The following AGBL1 variants were observed in gnomAD, a reference collection of about 807,000 sequenced individuals.
AGBL1 encodes cytosolic carboxypeptidase 4.
AGBL1 carries 130 observed loss-of-function variants against 118.9 expected under a neutral mutation model. That is an observed-to-expected ratio of 1.09 (90% CI 0.95 to 1.26). AGBL1 has a LOEUF of 1.26. Among genes scored for constraint, AGBL1 ranks in the 50% most tolerant of loss-of-function variants. The pLI is 0.00. For synonymous variants in AGBL1, 555 were observed against 478.9 expected, an observed-to-expected ratio of 1.16 and a Z score of -2.08; for missense variants, 1,584 against 1,298.1, an observed-to-expected ratio of 1.22 and a Z score of -3.38.
intron 21 of AGBL1, among the ~76,000 whole-genome samples, chr15:86,583,066 T>A (rs545379726): frequency 5.3e-5 from 8 of 151,644 alleles, no homozygotes; most frequent in South Asian, 2.1e-4. Context: ...AAAAACACCA[T>A]GGTATTATTA....
intron 23 of AGBL1, among the ~76,000 whole-genome samples, chr15:86,930,901 T>C (rs968869072): frequency 6.6e-6 from 1 of 152,204 alleles, no homozygotes; most frequent in Non-Finnish European, 1.5e-5. Flanking sequence ...AGTTGCGAGA[T>C]GTCTGATTCC....
At chr15:86,352,336 G>C (rs1311548449) in intron 17 of AGBL1, among the ~76,000 whole-genome samples, 1 of 152,154 alleles carries the variant, frequency 6.6e-6, no homozygotes, top group African/African-American at 2.4e-5. Context: ...TTGACCTCTT[G>C]GAATCATGGT....
intron 24 of AGBL1, among the ~76,000 whole-genome samples, chr15:87,013,533 G>GT (rs59336861): frequency 0.037 from 5,595 of 149,994 alleles, 113 homozygotes; most frequent in Middle Eastern, 0.062. Flanking sequence ...TTTTTGAATA[G>GT]TTTTTTTTTT....
At chr15:86,155,641 C>T (rs745899047) in intron 4 of AGBL1, among the ~76,000 whole-genome samples, 3 of 152,086 alleles carry the variant, frequency 2.0e-5, no homozygotes, top group Non-Finnish European at 4.4e-5. Context: ...GAGTTCCCTT[C>T]CTATGAAATG....
At chr15:86,271,443 G>C (rs2079160395) in intron 14 of AGBL1, among the ~76,000 whole-genome samples, 176 bp from the exon 15 acceptor site, 1 of 152,104 alleles carries the variant, frequency 6.6e-6, no homozygotes, top group Non-Finnish European at 1.5e-5. Flanking sequence ...GGCTCACCAG[G>C]ATAATCACCC....
At chr15:86,722,834 G>A (rs2086749041) in intron 22 of AGBL1, among the ~76,000 whole-genome samples, 1 of 152,064 alleles carries the variant, frequency 6.6e-6, no homozygotes, top group Admixed American at 6.5e-5. Flanking sequence ...CCATCAACAA[G>A]TGGGTGAAGG....
intron 22 of AGBL1, among the ~76,000 whole-genome samples, chr15:86,705,562 T>C (rs1596387659): frequency 6.6e-6 from 1 of 152,308 alleles, no homozygotes; most frequent in South Asian, 2.1e-4. Context: ...GCATTGGAGT[T>C]AAATGAGCCA....
Position 86,230,875 on chromosome 15 carries a change from A to G in AGBL1, c.526+5924A>G, listed in dbSNP as rs555020351. ...AGTCACGTCTGCCCGGCTCCCATCA[A>G]TTAGCCCCAAGGCGGCCTCTGAGAC... On this transcript the variant is annotated intron_variant, in intron 6 of 22. Coordinates refer to ENST00000614907, the MANE Select transcript of AGBL1 (RefSeq NM_001386094.1). Among the ~76,000 whole-genome samples the G allele has an allele frequency of 1.6e-4, 24 of 152,288 alleles. No individual in the cohort carries two copies. In the East Asian group the frequency reaches 2.1e-3, roughly 13 times the overall value.
intron 19 of AGBL1, among the ~76,000 whole-genome samples, chr15:86,523,966 C>A (rs989833407): frequency 1.3e-5 from 2 of 152,178 alleles, no homozygotes; most frequent in Admixed American, 1.3e-4. Flanking sequence ...ACCTAACAAA[C>A]TTAAAATAGA....
chr15:87,027,667 T>A (rs1158039255), intron 24 of AGBL1, among the ~76,000 whole-genome samples: 1 of 151,706 alleles, frequency 6.6e-6, no homozygotes, highest in Non-Finnish European at 1.5e-5. Flanking sequence ...AGAAAGAAAA[T>A]GTGGTACATA....
intron 13 of AGBL1, among the ~76,000 whole-genome samples, chr15:86,267,581 G>C (rs1258825816): frequency 6.6e-6 from 1 of 152,154 alleles, no homozygotes; most frequent in Non-Finnish European, 1.5e-5. Context: ...TTCAAGGGAA[G>C]ATGCAGTACC....
At chr15:86,895,062 A>ATCT (rs1312423405) in intron 22 of AGBL1, among the ~76,000 whole-genome samples, 1 of 150,096 alleles carries the variant, frequency 6.7e-6, no homozygotes, top group Non-Finnish European at 1.5e-5. Flanking sequence ...TCTTTCTTTT[A>ATCT]TCTTCCCTCC....
intron 6 of AGBL1, among the ~76,000 whole-genome samples, chr15:86,241,636 C>G (rs1345420203): frequency 6.6e-6 from 1 of 152,148 alleles, no homozygotes; most frequent in Non-Finnish European, 1.5e-5. Flanking sequence ...TAGCAGGACA[C>G]TGTGTGAAGC....
chr15:86,581,615 G>T (rs1343302429), intron 21 of AGBL1, among the ~76,000 whole-genome samples: 1 of 152,060 alleles, frequency 6.6e-6, no homozygotes, highest in African/African-American at 2.4e-5. Flanking sequence ...ATCAATTTGT[G>T]TGTCATAACA....
chr15:86,586,293 T>C (rs1213464882), intron 21 of AGBL1, among the ~76,000 whole-genome samples: 2 of 152,348 alleles, frequency 1.3e-5, no homozygotes, highest in East Asian at 3.9e-4. Context: ...AGTAATGTTA[T>C]TTAAGTGTTT....
intron 23 of AGBL1, among the ~76,000 whole-genome samples, chr15:86,964,780 C>T (rs2141691979): frequency 6.6e-6 from 1 of 152,132 alleles, no homozygotes; most frequent in South Asian, 2.1e-4. Flanking sequence ...TATCCCTCCC[C>T]TACCCCCCAA....
At chr15:86,799,728 T>C (rs2078623453) in intron 22 of AGBL1, among the ~76,000 whole-genome samples, 4 of 152,184 alleles carry the variant, frequency 2.6e-5, no homozygotes. Context: ...ACATCTTCAT[T>C]TGACTCCACA....
chr15:86,405,776 A>G (rs1308208588), intron 18 of AGBL1, among the ~76,000 whole-genome samples: 1 of 152,240 alleles, frequency 6.6e-6, no homozygotes, highest in African/African-American at 2.4e-5. Flanking sequence ...AGGAATTAGT[A>G]CAAATCTAAT....
At chr15:86,944,383 T>TAAG (rs2080791196) in intron 23 of AGBL1, among the ~76,000 whole-genome samples, 1 of 151,660 alleles carries the variant, frequency 6.6e-6, no homozygotes, top group Admixed American at 6.6e-5. Context: ...GTCTAAATAA[T>TAAG]AATAATAATA....
Sources: allele counts gnomAD v4.1 joint callset (sites outside exome capture counted in the v4.1 genomes callset), GRCh38; gene constraint gnomAD v4.1.1; transcripts MANE v1.5; gene names NCBI Gene and HGNC (gene_info 2026-07-23, HGNC 2026-07-21).